The following EFCAB5 variants were observed in gnomAD, a reference collection of about 807,000 sequenced individuals.
EFCAB5 encodes the protein EF-hand calcium binding domain 5, also known as EF-hand calcium-binding domain-containing protein 5.
EFCAB5 carries 131 observed loss-of-function variants against 167.9 expected under a neutral mutation model. That is an observed-to-expected ratio of 0.78 (90% CI 0.68 to 0.90). The LOEUF is 0.90. EFCAB5 is among the 40% of genes least tolerant of loss of function. The probability of loss-of-function intolerance (pLI) is 0.00; values close to 1 mark genes in which losing one functional copy is unlikely to be tolerated. For missense variants in EFCAB5, 1,663 were observed against 1,745.2 expected, an observed-to-expected ratio of 0.95 and a Z score of 0.84; for synonymous variants, 574 against 602.8, an observed-to-expected ratio of 0.95 and a Z score of 0.70.
chr17:29,941,929 A>T, intron 1 of EFCAB5, 91 bp downstream of exon 1: 3 of 1,260,244 alleles, frequency 2.4e-6, no homozygotes, highest in Non-Finnish European at 3.4e-6. Context: ...ACAGTCTATC[A>T]TTTAATTATT....
intron 22 of EFCAB5, among the ~76,000 whole-genome samples, chr17:30,106,441 A>AG (rs2071450007): frequency 6.6e-6 from 1 of 152,010 alleles, no homozygotes; most frequent in Non-Finnish European, 1.5e-5. Context: ...GGCATCTGAA[A>AG]GAAAGGGGGT....
intron 8 of EFCAB5, among the ~76,000 whole-genome samples, chr17:30,039,608 G>A (rs1258836750): frequency 6.6e-6 from 1 of 152,194 alleles, no homozygotes; most frequent in African/African-American, 2.4e-5. Flanking sequence ...TGCTCAGTGG[G>A]TAGATGTCAT....
At chr17:30,036,830 A>T (rs1271135463) in intron 8 of EFCAB5, among the ~76,000 whole-genome samples, 1 of 152,246 alleles carries the variant, frequency 6.6e-6, no homozygotes, top group Non-Finnish European at 1.5e-5. Flanking sequence ...ATCATAAAGT[A>T]AAGAAGAATG....
At chr17:30,009,472 T>C (rs938452957) in intron 7 of EFCAB5, among the ~76,000 whole-genome samples, 2 of 152,220 alleles carry the variant, frequency 1.3e-5, no homozygotes, top group African/African-American at 4.8e-5. Context: ...ATTTCATATA[T>C]ATGGAATATA....
At chr17:29,981,791 T>C (rs1277734829) in intron 4 of EFCAB5, among the ~76,000 whole-genome samples, 1 of 152,214 alleles carries the variant, frequency 6.6e-6, no homozygotes. Flanking sequence ...AGTCACCTCA[T>C]TTTCACACAT....
chr17:30,070,420 A>G (rs979945760), intron 14 of EFCAB5, among the ~76,000 whole-genome samples: 8 of 152,236 alleles, frequency 5.3e-5, no homozygotes, highest in African/African-American at 1.9e-4. Flanking sequence ...AAGAGGCATC[A>G]CACTATCAGA....
At chr17:30,080,691 C>G (rs916135983) in intron 16 of EFCAB5, 62 bp from the exon 17 acceptor site, 131 of 1,257,192 alleles carry the variant, frequency 1.0e-4, no homozygotes, top group Non-Finnish European at 1.3e-4. Flanking sequence ...CTAGTTTCCT[C>G]CATGGTTTAA....
chr17:30,079,482 T>A (rs1597779961), intron 15 of EFCAB5, among the ~76,000 whole-genome samples: 2 of 152,222 alleles, frequency 1.3e-5, no homozygotes, highest in East Asian at 3.8e-4. Flanking sequence ...CACATAATAT[T>A]GTTAATAACA....
Position 30,051,514 on chromosome 17 carries a change from A to C in EFCAB5, c.1300+297A>C, listed in dbSNP as rs2070096627. On this transcript the variant is annotated intron_variant, in intron 9 of 22. Coordinates refer to ENST00000394835, the MANE Select transcript of EFCAB5 (RefSeq NM_198529.4). Reference sequence around the variant, plus strand: ...TCAAATGAAGAAATGCTTTAGTGACAGTCTGAATGTTTTGGAAATTAAGTT... The same window carrying C: ...TCAAATGAAGAAATGCTTTAGTGACCGTCTGAATGTTTTGGAAATTAAGTT... 2.0e-5 allele frequency among the ~76,000 whole-genome samples: 3 copies of C among 152,210 alleles called. No individual in the cohort carries two copies. In the South Asian group the frequency reaches 6.2e-4, roughly 32 times the overall value.
At chr17:29,942,841 C>T (rs192571705) in intron 2 of EFCAB5, among the ~76,000 whole-genome samples, 6 of 152,150 alleles carry the variant, frequency 3.9e-5, no homozygotes, top group Admixed American at 1.3e-4. Context: ...AGTTCAAGAC[C>T]GGACTGGCCA....
At chr17:30,082,837 A>C in intron 17 of EFCAB5, 54 bp from the exon 18 acceptor site, 7 of 1,504,562 alleles carry the variant, frequency 4.7e-6, no homozygotes, top group Non-Finnish European at 6.3e-6. Flanking sequence ...CTATATTACT[A>C]ATTATTTTTC....
chr17:30,069,591 T>A, intron 14 of EFCAB5: 1 of 1,613,306 alleles, frequency 6.2e-7, no homozygotes, highest in Non-Finnish European at 8.5e-7. Flanking sequence ...TTCCTCGTGA[T>A]GTGCTCCTTC....
At chr17:30,094,534 A>C (rs9891847) in intron 22 of EFCAB5, among the ~76,000 whole-genome samples, 12,052 of 142,484 alleles carry the variant, frequency 0.085, 2,024 homozygotes, top group African/African-American at 0.33. Context: ...AAAAAAAAAA[A>C]TAACTGGGTG....
At chr17:29,977,237 T>C (rs34686802) in intron 4 of EFCAB5, among the ~76,000 whole-genome samples, 5,890 of 152,270 alleles carry the variant, frequency 0.039, 176 homozygotes, top group Non-Finnish European at 0.059. Context: ...AAAATAGGAT[T>C]ACAAACTTTC....
intron 7 of EFCAB5, chr17:30,031,713 T>C (rs1468185112): frequency 2.0e-5 from 3 of 152,200 alleles, no homozygotes; most frequent in East Asian, 1.9e-4. Context: ...ACTGTGTGCA[T>C]TGATCCATCA....
intron 4 of EFCAB5, 62 bp from the exon 5 acceptor site, chr17:29,993,103 T>G: frequency 6.9e-7 from 1 of 1,442,420 alleles, no homozygotes; most frequent in Non-Finnish European, 9.2e-7. Context: ...ATTCCTGTGT[T>G]CCAATCTGGA....
intron 15 of EFCAB5, among the ~76,000 whole-genome samples, chr17:30,078,746 G>A (rs2070922268): frequency 6.6e-6 from 1 of 152,160 alleles, no homozygotes; most frequent in Non-Finnish European, 1.5e-5. Context: ...TAGAAAAGAT[G>A]TCTTGGGATT....
intron 14 of EFCAB5, among the ~76,000 whole-genome samples, chr17:30,061,030 G>A (rs2070411225): frequency 6.6e-6 from 1 of 152,154 alleles, no homozygotes; most frequent in South Asian, 2.1e-4. Context: ...TAGATGATAT[G>A]GAATCCAATT....
intron 3 of EFCAB5, chr17:29,968,282 A>C: frequency 2.3e-6 from 1 of 443,914 alleles, no homozygotes; most frequent in Non-Finnish European, 4.5e-6. Context: ...ATAAGTTATA[A>C]TTTGTCTATA....
Sources: gnomAD v4.1 joint callset for allele counts (sites outside exome capture counted in the v4.1 genomes callset) on GRCh38, gnomAD v4.1.1 for gene constraint, MANE v1.5 for transcripts, NCBI Gene and HGNC (gene_info 2026-07-23, HGNC 2026-07-21) for gene names.